Variants in SGSH observed in about 807,000 individuals in gnomAD.
SGSH encodes the protein heparan sulfate sulfatase.
SGSH carries 48 observed loss-of-function variants against 51.0 expected under a neutral mutation model. That is an observed-to-expected ratio of 0.94 (90% CI 0.75 to 1.20). SGSH has a LOEUF of 1.20. Among genes scored for constraint, SGSH ranks in the 50% most tolerant of loss-of-function variants. The pLI is 0.00. For synonymous variants in SGSH, 321 were observed against 313.4 expected (o/e 1.02, Z -0.26); for missense variants, 662 against 717.8 (o/e 0.92, Z 0.89).
Position 80,212,016 on chromosome 17 carries a change from C to A in SGSH, c.949+55G>T. ...TGGAGCAGCATCTGACAGGTCATGG[C>A]CCCGTCCCAGATCCACTCCCACACC... On this transcript the variant is annotated intron_variant, in intron 7 of 7. Transcript: ENST00000326317. The surrounding 1 kb of genome is among the most constrained non-coding windows in gnomAD (Gnocchi z 5.9). 2 of 1,460,424 alleles carry A rather than the reference C, an allele frequency of 1.4e-6. No homozygotes were observed. Among genetic ancestry groups the A allele is most frequent in the Non-Finnish European group, 1.9e-6 (2 of 1,043,324 alleles). 90.5% of individuals were successfully genotyped at this position (1,460,424 alleles called of 1,614,324 possible). A position where few individuals can be genotyped will look rare whatever the true frequency, so the allele number is the denominator to read the frequency against.
chr17:80,217,335 C>A, intron 1 of SGSH, 143 bp from the exon 2 acceptor site: 1 of 925,116 alleles, frequency 1.1e-6, no homozygotes, highest in Non-Finnish European at 1.7e-6. Context: ...ACACTCAGCG[C>A]GAAATGCTAT....
chr17:80,201,743 G>A, downstream of SGSH: 3 of 1,614,006 alleles, frequency 1.9e-6, no homozygotes, highest in Non-Finnish European at 2.5e-6. This position sits in a 1 kb window ranked among gnomAD's most constrained non-coding sequence, Gnocchi z 5.0. Flanking sequence ...CTTGCCCTCA[G>A]GTTGATTACG....
In SGSH at chr17:80,212,261, C is replaced by G. The variant is rs2041697973; in HGVS notation, c.759G>C (p.Val253=). 1 of 1,609,352 alleles carries G rather than the reference C, an allele frequency of 6.2e-7. No homozygotes were observed. The highest frequency in any genetic ancestry group is 8.5e-7 in the Non-Finnish European group (1 of 1,178,210). ...CACCGGCGTCACGCAGCTCCTGGAG[C>G]ACCAGTCCAACTCCTGTGGTGAGGG... ...VGRMDQGVGL[V]LQELRDAGVL... is the part of the protein sequence containing the mutation. The change falls in exon 7 of 8, where the codon GTG becomes GTC. Residue 253 remains valine, a synonymous_variant. Coordinates refer to ENST00000326317, the MANE Select transcript of SGSH (RefSeq NM_000199.5). This position sits in a 1 kb window ranked among gnomAD's most constrained non-coding sequence, Gnocchi z 5.9.
downstream of SGSH, chr17:80,205,818 C>A: frequency 4.9e-6 from 3 of 607,772 alleles, no homozygotes; most frequent in South Asian, 5.0e-5. Flanking sequence ...CTCATCTCAG[C>A]CAGTTAGGAT....
chr17:80,207,039 A>G (rs1403896334), downstream of SGSH: 1 of 1,614,014 alleles, frequency 6.2e-7, no homozygotes, highest in African/African-American at 1.3e-5. Context: ...CATCTTCCCC[A>G]TCGTCATCCA....
intron 4 of SGSH, 94 bp from the exon 5 acceptor site, chr17:80,214,422 G>A (rs1384212789): frequency 6.9e-7 from 1 of 1,439,818 alleles, no homozygotes; most frequent in Non-Finnish European, 9.4e-7. Context: ...GTATCTGGAA[G>A]TCAACCTGTG....
At position 80,210,642 on chromosome 17, in the gene SGSH, T is replaced by A. The variant is rs1175136376; in HGVS notation, c.1319A>T (p.Asp440Val). The A allele has an allele frequency of 6.2e-7, 1 of 1,613,646 alleles. No individual in the cohort carries two copies. Among genetic ancestry groups the A allele is most frequent in the Non-Finnish European group, 8.5e-7 (1 of 1,179,998 alleles). Residue 440 changes from aspartate (D) to valine (V), a missense_variant, in exon 8 of 8, where the codon GAC becomes GTC. Asp to Val is a radical substitution (Grantham distance 152). Transcript: ENST00000326317. ...GGTCTCGTGGGGGTCCCGGCTCCGGTCGTAGAGCTCCCAGCGCGCCCGGTA... is the reference window on the plus strand; with the variant it reads ...GGTCTCGTGGGGGTCCCGGCTCCGGACGTAGAGCTCCCAGCGCGCCCGGTA... ...YYYRARWELY[D>V]RSRDPHETQN...
downstream of SGSH, chr17:80,201,740 T>A (rs1172493035): frequency 6.2e-7 from 1 of 1,613,926 alleles, no homozygotes; most frequent in Non-Finnish European, 8.5e-7. This position sits in a 1 kb window ranked among gnomAD's most constrained non-coding sequence, Gnocchi z 5.0. Context: ...CGACTTGCCC[T>A]CAGGTTGATT....
chr17:80,207,683 T>G (rs1209578961), downstream of SGSH: 1 of 163,200 alleles, frequency 6.1e-6, no homozygotes, highest in African/African-American at 2.4e-5. Context: ...AGTAGCCTAG[T>G]CACTGGAAAA....
At chr17:80,214,813 C>T in intron 3 of SGSH, 48 bp from the exon 4 acceptor site, 1 of 1,598,722 alleles carries the variant, frequency 6.3e-7, no homozygotes, top group Non-Finnish European at 8.5e-7. Context: ...CCTCCCAACC[C>T]TTTCTGCTCC....
chr17:80,216,243 C>T (rs2041887146), intron 2 of SGSH, among the ~76,000 whole-genome samples: 2 of 151,852 alleles, frequency 1.3e-5, no homozygotes, highest in South Asian at 2.1e-4. Context: ...GCAGGAGACT[C>T]GCTGGAACCG....
At chr17:80,208,281 G>C (rs370253085), downstream of SGSH, 1 of 1,600,080 alleles carries the variant, frequency 6.2e-7, no homozygotes, top group Non-Finnish European at 8.5e-7. Flanking sequence ...CTGCTCAGCT[G>C]TGTCCGCCAG....
downstream of SGSH, chr17:80,204,241 A>C (rs374555359): frequency 2.5e-6 from 4 of 1,588,728 alleles, no homozygotes; most frequent in Non-Finnish European, 3.4e-6. Flanking sequence ...CTTCTGGGGG[A>C]CCACAGAAGC....
Position 80,211,142 on chromosome 17 carries a change from G to A in SGSH, c.950-131C>T, listed in dbSNP as rs570139600. ...AATCAGCAGCGGGAGGTGCCTTGTCGAGCCGACACCTCTCACCGCCACGTC... is the reference window on the plus strand; with the variant it reads ...AATCAGCAGCGGGAGGTGCCTTGTCAAGCCGACACCTCTCACCGCCACGTC... On this transcript the variant is annotated intron_variant, in intron 7 of 7. Transcript: ENST00000326317. The A allele has an allele frequency of 5.7e-5, 87 of 1,524,760 alleles. No homozygotes were observed. The South Asian group carries it at 8.8e-4, about 15-fold the overall frequency. The allele number at this position is 1,524,760 out of a possible 1,614,324, so 94.5% of individuals were successfully genotyped here.
At chr17:80,211,790 C>T in intron 7 of SGSH, 3 of 511,534 alleles carry the variant, frequency 5.9e-6, no homozygotes, top group Non-Finnish European at 1.1e-5. Flanking sequence ...GATTCTGAAG[C>T]TCATCGGAGG....
chr17:80,220,049 G>A (rs2042084518), intron 1 of SGSH, 177 bp downstream of exon 1: 2 of 522,272 alleles, frequency 3.8e-6, no homozygotes, highest in East Asian at 3.5e-5. Flanking sequence ...CCCTCTCTGG[G>A]GAGACACCCG....
Position 80,220,305 on chromosome 17 carries a change from G to GT in SGSH, c.8_9insA (p.Cys3Ter), listed in dbSNP as rs1567934647. MS[C>*]PVPACCALLL... ...GCAGCGCGCAGCAGGCGGGCACGGG[G>GT]CAGCTCATGGCGGCGGCGGCTCGGA... The change falls in exon 1 of 8, where the codon TGC becomes TGAC. Residue 3 changes from cysteine to a stop codon, truncating the protein, a stop_gained and frameshift_variant. Transcript: ENST00000326317. LOFTEE classifies it high-confidence loss of function. 6.7e-7 allele frequency: 1 copy of GT among 1,494,082 alleles called. No individual in the cohort carries two copies. The allele number at this position is 1,494,082 out of a possible 1,614,324, so 92.6% of individuals were successfully genotyped here. A position where few individuals can be genotyped will look rare whatever the true frequency, so the allele number is the denominator to read the frequency against.
In SGSH at chr17:80,212,338, G is replaced by C. The variant is rs1252752345; in HGVS notation, c.746-64C>G. 1.4e-5 allele frequency: 19 copies of C among 1,391,740 alleles called. No individual in the cohort carries two copies. Among genetic ancestry groups the C allele is most frequent in the Non-Finnish European group, 1.7e-5 (17 of 1,002,050 alleles). The allele number at this position is 1,391,740 out of a possible 1,614,324, so 86.2% of individuals were successfully genotyped here. ...CACGGAGGGAGGCAGCGGGTGGTGTGTGTAGACCCACCTGCTGCTGCATCC... is the reference window on the plus strand; with the variant it reads ...CACGGAGGGAGGCAGCGGGTGGTGTCTGTAGACCCACCTGCTGCTGCATCC... On this transcript the variant is annotated intron_variant, in intron 6 of 7. Coordinates refer to ENST00000326317, the MANE Select transcript of SGSH (RefSeq NM_000199.5). The surrounding 1 kb of genome is among the most constrained non-coding windows in gnomAD (Gnocchi z 5.9).
At chr17:80,202,900 G>A (rs1006297505), downstream of SGSH, 14 of 167,352 alleles carry the variant, frequency 8.4e-5, no homozygotes, top group South Asian at 4.7e-4. Context: ...GAAGCCCCTC[G>A]GTCCTGGGCA....
Sources: gnomAD v4.1 joint callset for allele counts (sites outside exome capture counted in the v4.1 genomes callset) on GRCh38, gnomAD v4.1.1 for gene constraint, Gnocchi (gnomAD v3.1) non-coding constraint, MANE v1.5 for transcripts, NCBI Gene and HGNC (gene_info 2026-07-23, HGNC 2026-07-21) for gene names.